PRKCH: variants seen among roughly 807,000 people sequenced by gnomAD.
PRKCH encodes the protein protein kinase C eta.
PRKCH carries 28 observed loss-of-function variants against 82.5 expected under a neutral mutation model. That is an observed-to-expected ratio of 0.34 (90% CI 0.25 to 0.47). The LOEUF is 0.47. PRKCH is among the 20% of genes least tolerant of loss of function. PRKCH has a pLI of 1.00. For missense variants in PRKCH, 705 were observed against 881.8 expected, an observed-to-expected ratio of 0.80 and a Z score of 2.54; for synonymous variants, 322 against 327.4, an observed-to-expected ratio of 0.98 and a Z score of 0.18.
At chr14:61,463,158 T>C (rs923216464) in intron 9 of PRKCH, 1 of 152,212 alleles carries the variant, frequency 6.6e-6, no homozygotes, top group African/African-American at 2.4e-5. Flanking sequence ...AAAGTTCTTA[T>C]CATTAAAATG....
At chr14:61,272,222 G>C (rs529687312) in intron 1 of PRKCH, among the ~76,000 whole-genome samples, 1 of 122,764 alleles carries the variant, frequency 8.1e-6, no homozygotes, top group African/African-American at 3.2e-5. Flanking sequence ...AGCGAGACTC[G>C]GTCTCCAAAA....
intron 2 of PRKCH, among the ~76,000 whole-genome samples, chr14:61,417,234 G>T (rs1882603933): frequency 6.6e-6 from 1 of 152,134 alleles, no homozygotes; most frequent in Non-Finnish European, 1.5e-5. Context: ...CTTTGAAAGG[G>T]CTTCCTTCCT....
chr14:61,288,950 G>A (rs1034407743), intron 1 of PRKCH, among the ~76,000 whole-genome samples: 3 of 152,222 alleles, frequency 2.0e-5, no homozygotes, highest in Non-Finnish European at 2.9e-5. Flanking sequence ...GGAGTAGAAC[G>A]TCATCAGGCA....
At chr14:61,242,301 T>C (rs2044846165) in intron 1 of PRKCH, among the ~76,000 whole-genome samples, 1 of 152,128 alleles carries the variant, frequency 6.6e-6, no homozygotes, top group African/African-American at 2.4e-5. Flanking sequence ...GTGACATCAG[T>C]TTGGAACACC....
intron 1 of PRKCH, among the ~76,000 whole-genome samples, chr14:61,233,463 G>A (rs2044761439): frequency 6.6e-6 from 1 of 152,082 alleles, no homozygotes; most frequent in African/African-American, 2.4e-5. Flanking sequence ...TACCCTTTAA[G>A]GATCTGATAG....
intron 1 of PRKCH, among the ~76,000 whole-genome samples, chr14:61,373,971 G>A (rs1386474772): frequency 6.6e-6 from 1 of 152,108 alleles, no homozygotes; most frequent in Non-Finnish European, 1.5e-5. Context: ...CTGAGACAAA[G>A]GCAAGTCCCT....
At chr14:61,315,806 G>T in intron 1 of PRKCH, among the ~76,000 whole-genome samples, 1 of 143,864 alleles carries the variant, frequency 7.0e-6, no homozygotes, top group Admixed American at 7.1e-5. Flanking sequence ...GGAGTGCAAT[G>T]GCGTGATCTT....
intron 1 of PRKCH, among the ~76,000 whole-genome samples, chr14:61,368,339 C>T (rs1026692263): frequency 1.4e-4 from 21 of 151,910 alleles, no homozygotes; most frequent in Admixed American, 1.0e-3. Flanking sequence ...AAAAGAGAAC[C>T]GTGTCCCCAA....
chr14:61,222,354 G>T (rs1435197346), intron 1 of PRKCH, among the ~76,000 whole-genome samples: 1 of 152,216 alleles, frequency 6.6e-6, no homozygotes, highest in African/African-American at 2.4e-5. Context: ...TTATTTATTT[G>T]GTGTTGTGTA....
rs371868564 is a variant in PRKCH at position 61,241,453 on chromosome 14, C to T, written c.-19+53785C>T. 3.3e-5 allele frequency among the ~76,000 whole-genome samples: 5 copies of T among 152,256 alleles called. No homozygotes were observed. In the East Asian group the frequency reaches 9.6e-4, roughly 29 times the overall value. ...GTGGGATGGGCTGAAAGTCCCAACT[C>T]TTTGCTCATGCCTTGGACTTTCCTG... On this transcript the variant is annotated intron_variant, in intron 1 of 3. Transcript: ENST00000555185.
At chr14:61,216,089 A>G (rs1034192059) in intron 1 of PRKCH, among the ~76,000 whole-genome samples, 16 of 152,256 alleles carry the variant, frequency 1.1e-4, no homozygotes, top group Non-Finnish European at 2.2e-4. Flanking sequence ...TTTCTGGGGC[A>G]TTTCTCTTTA....
intron 2 of PRKCH, among the ~76,000 whole-genome samples, chr14:61,435,659 T>G (rs943567235): frequency 1.3e-5 from 2 of 152,068 alleles, no homozygotes; most frequent in Non-Finnish European, 2.9e-5. Flanking sequence ...GCCTGGGCAA[T>G]GTAATGAGAC....
chr14:61,302,723 G>T (rs2045456733), intron 1 of PRKCH, among the ~76,000 whole-genome samples: 1 of 151,986 alleles, frequency 6.6e-6, no homozygotes, highest in African/African-American at 2.4e-5. Flanking sequence ...ATTTCATTCT[G>T]TTATGTTTAG....
chr14:61,387,897 C>T (rs1343128163), intron 1 of PRKCH, among the ~76,000 whole-genome samples: 2 of 152,136 alleles, frequency 1.3e-5, no homozygotes, highest in Non-Finnish European at 2.9e-5. Context: ...CCTGTAATTC[C>T]AGCACTTTGG....
At chr14:61,215,904 C>T (rs1171121064) in intron 1 of PRKCH, among the ~76,000 whole-genome samples, 1 of 152,132 alleles carries the variant, frequency 6.6e-6, no homozygotes, top group Non-Finnish European at 1.5e-5. Context: ...TTGTGCCAGT[C>T]GCAGAATTGA....
intron 1 of PRKCH, among the ~76,000 whole-genome samples, chr14:61,254,675 A>G (rs1462587996): frequency 1.3e-5 from 2 of 152,228 alleles, no homozygotes; most frequent in Non-Finnish European, 2.9e-5. Context: ...ATTGGCAATC[A>G]TAGATGTCAA....
intron 1 of PRKCH, among the ~76,000 whole-genome samples, chr14:61,370,868 C>G (rs894757442): frequency 3.3e-5 from 5 of 151,958 alleles, no homozygotes; most frequent in African/African-American, 1.2e-4. Context: ...GTGGATAACA[C>G]CAAACACTGC....
At chr14:61,523,407 G>C (rs771428709) in intron 10 of PRKCH, among the ~76,000 whole-genome samples, 15 of 152,080 alleles carry the variant, frequency 9.9e-5, no homozygotes, top group Non-Finnish European at 2.1e-4. Flanking sequence ...CAATCTATCC[G>C]GGGGATTGGC....
intron 1 of PRKCH, chr14:61,353,508 C>T (rs8011378): frequency 3.9e-5 from 6 of 152,008 alleles, no homozygotes; most frequent in African/African-American, 1.2e-4. Flanking sequence ...TTGGGAAAAA[C>T]GAAAAGGAAT....
Sources: gnomAD v4.1 joint callset for allele counts (sites outside exome capture counted in the v4.1 genomes callset) on GRCh38, gnomAD v4.1.1 for gene constraint, MANE v1.5 for transcripts, NCBI Gene and HGNC (gene_info 2026-07-23, HGNC 2026-07-21) for gene names.